The following ABHD17C variants were observed in gnomAD, a reference collection of about 807,000 sequenced individuals.
ABHD17C encodes abhydrolase domain containing 17C, depalmitoylase, also known as alpha/beta hydrolase domain-containing protein 17C.
Under a neutral mutation model 27.9 loss-of-function variants are expected in ABHD17C, and 11 were observed. That is an observed-to-expected ratio of 0.39 (90% CI 0.25 to 0.65). ABHD17C has a LOEUF of 0.65. Ranked by LOEUF, ABHD17C falls within the 30% of genes least tolerant of loss-of-function variation. ABHD17C has a pLI of 0.45. For synonymous variants in ABHD17C, 233 were observed against 209.1 expected (o/e 1.11, Z -0.98); for missense variants, 280 against 470.2 (o/e 0.60, Z 3.74).
At position 80,733,960 on chromosome 15, in the gene ABHD17C, A is replaced by ATTATTTAT. The variant is rs139005879; in HGVS notation, c.591-15522_591-15515dup. 2.6e-4 allele frequency among the ~76,000 whole-genome samples: 37 copies of ATTATTTAT among 144,610 alleles called. 3 individuals carry two copies. In the South Asian group the frequency reaches 4.4e-3, roughly 17 times the overall value. The allele number at this position is 144,610 out of a possible 152,430, so 94.9% of individuals were successfully genotyped here. A position where few individuals can be genotyped will look rare whatever the true frequency, so the allele number is the denominator to read the frequency against. ...GAAATGGAATGGTGAATTTTATTTT[A>ATTATTTAT]TTATTTATTTATTTATTTATTTATT... On this transcript the variant is annotated intron_variant, in intron 1 of 2. Transcript: ENST00000258884.
chr15:80,702,478 T>C (rs1420368214), intron 1 of ABHD17C, among the ~76,000 whole-genome samples: 1 of 152,224 alleles, frequency 6.6e-6, no homozygotes, highest in African/African-American at 2.4e-5. Context: ...CATGTCATAT[T>C]GGTGTAGAAA....
intron 1 of ABHD17C, among the ~76,000 whole-genome samples, chr15:80,705,366 T>TGTGTGTGTGTGTGG (rs1300324609): frequency 6.6e-6 from 1 of 150,676 alleles, no homozygotes; most frequent in Non-Finnish European, 1.5e-5. Context: ...TGTGTGTGTG[T>TGTGTGTGTGTGTGG]GGTTAGGAGC....
At chr15:80,717,576 T>A (rs2141500372) in intron 1 of ABHD17C, among the ~76,000 whole-genome samples, 1 of 152,190 alleles carries the variant, frequency 6.6e-6, no homozygotes, top group South Asian at 2.1e-4. Context: ...GTATCTTTAG[T>A]ATTTTCATCA....
chr15:80,716,058 C>T (rs563368507), intron 1 of ABHD17C, among the ~76,000 whole-genome samples: 31 of 152,188 alleles, frequency 2.0e-4, no homozygotes, highest in African/African-American at 7.0e-4. Context: ...TAAACAAGGA[C>T]CAGTTTTTCC....
Position 80,754,472 on chromosome 15 carries a change from A to G in ABHD17C, c.*102A>G. On this transcript the variant is annotated 3_prime_UTR_variant, in exon 3 of 3. Transcript: ENST00000258884. ...TGTAAAGGCTTGATAACCATGAAGA[A>G]GTGCCCAACCTTTAGGGTGTTCTAA... is the stretch of plus-strand genomic sequence containing the variant. The G allele has an allele frequency of 1.0e-6, 1 of 980,668 alleles. No individual in the cohort carries two copies. Among genetic ancestry groups the G allele is most frequent in the South Asian group, 1.7e-5 (1 of 60,092 alleles). The allele number at this position is 980,668 out of a possible 1,614,324, so 60.7% of individuals were successfully genotyped here.
In ABHD17C at chr15:80,754,184, G is replaced by A; in HGVS notation, c.804G>A (p.Val268=). 6.2e-7 allele frequency: 1 copy of A among 1,613,902 alleles called. No individual in the cohort carries two copies. Among genetic ancestry groups the A allele is most frequent in the Non-Finnish European group, 8.5e-7 (1 of 1,179,868 alleles). ...AGATATCTAAAGTCACCTCTCCTGT[G>A]TTGGTCATTCATGGTACAGAGGATG... The part of the protein sequence containing the change: ...IDKISKVTSP[V]LVIHGTEDEV... The change falls in exon 3 of 3, where the codon GTG becomes GTA. Residue 268 remains valine, a synonymous_variant. Transcript: ENST00000258884.
At chr15:80,731,767 A>C (rs1895060664) in intron 1 of ABHD17C, among the ~76,000 whole-genome samples, 1 of 152,190 alleles carries the variant, frequency 6.6e-6, no homozygotes, top group Non-Finnish European at 1.5e-5. Context: ...CTCATTTAGA[A>C]TTCAGGAGAG....
At chr15:80,713,696 C>T (rs752649035) in intron 1 of ABHD17C, among the ~76,000 whole-genome samples, 1 of 151,990 alleles carries the variant, frequency 6.6e-6, no homozygotes, top group Non-Finnish European at 1.5e-5. Context: ...GTAATCCCAA[C>T]TACTCGGGAG....
intron 2 of ABHD17C, among the ~76,000 whole-genome samples, chr15:80,750,039 C>G (rs1213514699): frequency 1.3e-5 from 2 of 152,202 alleles, no homozygotes; most frequent in African/African-American, 4.8e-5. Flanking sequence ...AGAGACACTT[C>G]TTGTTAAATC....
intron 1 of ABHD17C, among the ~76,000 whole-genome samples, chr15:80,708,836 G>T (rs1359791443): frequency 2.6e-5 from 4 of 152,204 alleles, no homozygotes; most frequent in African/African-American, 9.6e-5. Flanking sequence ...ATAGATGCCA[G>T]ACCCCGTCCT....
chr15:80,730,187 A>C (rs1248854978), intron 1 of ABHD17C, among the ~76,000 whole-genome samples: 1 of 152,120 alleles, frequency 6.6e-6, no homozygotes, highest in African/African-American at 2.4e-5. Flanking sequence ...GATAAGCCTC[A>C]CCAGAGAAAT....
chr15:80,696,652 A>G (rs1432133264), intron 1 of ABHD17C, among the ~76,000 whole-genome samples: 5 of 152,178 alleles, frequency 3.3e-5, no homozygotes, highest in East Asian at 1.9e-4. Flanking sequence ...CACGGCCTCC[A>G]TAACAGTCCA....
At chr15:80,707,769 C>T (rs1187193760) in intron 1 of ABHD17C, among the ~76,000 whole-genome samples, 1 of 152,066 alleles carries the variant, frequency 6.6e-6, no homozygotes, top group African/African-American at 2.4e-5. Context: ...GGCAGAGAGG[C>T]TTCCTGAGGC....
rs958538335 is a variant in ABHD17C, at chr15:80,755,245, A to T, written c.*875A>T. 6.6e-6 allele frequency: 1 copy of T among 152,170 alleles called. No homozygotes were observed. The highest frequency in any genetic ancestry group is 1.9e-4 in the East Asian group (1 of 5,198). The allele number at this position is 152,170 out of a possible 1,614,324, so 9.4% of individuals were successfully genotyped here. A position where few individuals can be genotyped will look rare whatever the true frequency, so the allele number is the denominator to read the frequency against. ...ATTTTGTTAATATGTTTTTATTCCTATGTTTTGCTATTAAAAATTTTATAA... is the reference window on the plus strand; with the variant it reads ...ATTTTGTTAATATGTTTTTATTCCTTTGTTTTGCTATTAAAAATTTTATAA... On this transcript the variant is annotated 3_prime_UTR_variant, in exon 3 of 3. Transcript: ENST00000258884.
intron 1 of ABHD17C, among the ~76,000 whole-genome samples, chr15:80,708,083 C>T (rs747279333): frequency 6.6e-6 from 1 of 152,184 alleles, no homozygotes; most frequent in Non-Finnish European, 1.5e-5. Flanking sequence ...CCCTGTCACT[C>T]TCTTCCTTTT....
chr15:80,722,446 A>G (rs7175963), intron 1 of ABHD17C, among the ~76,000 whole-genome samples: 15,471 of 151,946 alleles, frequency 0.1, 1,481 homozygotes, highest in East Asian at 0.56. Context: ...AATATATACA[A>G]CTTGATGTAT....
rs188483980 is a variant in ABHD17C, at chr15:80,744,698, C to T, written c.591-4815C>T. Among the ~76,000 whole-genome samples, 5 of 152,200 alleles carry T rather than the reference C, an allele frequency of 3.3e-5. No individual in the cohort carries two copies. The East Asian group carries it at 9.6e-4, about 29-fold the overall frequency. Reference sequence around the variant, plus strand: ...TCCCTTTTTTCCCAACAAGTCACTGCCTAATAACTAAAGGAAATTAGGAAT... The same window carrying T: ...TCCCTTTTTTCCCAACAAGTCACTGTCTAATAACTAAAGGAAATTAGGAAT... On this transcript the variant is annotated intron_variant, in intron 1 of 2. Transcript: ENST00000258884.
chr15:80,742,948 G>A (rs1177060760), intron 1 of ABHD17C, among the ~76,000 whole-genome samples: 4 of 128,398 alleles, frequency 3.1e-5, no homozygotes, highest in Non-Finnish European at 6.3e-5. Context: ...CTGTTTGCAA[G>A]ACTTCATAGG....
At chr15:80,708,842 G>A (rs141299722) in intron 1 of ABHD17C, among the ~76,000 whole-genome samples, 137 of 152,246 alleles carry the variant, frequency 9.0e-4, no homozygotes, top group Non-Finnish European at 1.6e-3. Context: ...GCCAGACCCC[G>A]TCCTCAAAGA....
Sources: allele counts gnomAD v4.1 joint callset (sites outside exome capture counted in the v4.1 genomes callset), GRCh38; gene constraint gnomAD v4.1.1; transcripts MANE v1.5; gene names NCBI Gene and HGNC (gene_info 2026-07-23, HGNC 2026-07-21).